The following DSN1 variants were observed in gnomAD, a reference collection of about 807,000 sequenced individuals.
The protein encoded by DSN1 is DSN1 component of MIS12 kinetochore complex.
Under a neutral mutation model 45.7 loss-of-function variants are expected in DSN1, and 31 were observed. The observed-to-expected ratio is 0.68, with a 90% confidence interval of 0.51 to 0.92. The LOEUF is 0.92. DSN1 is among the 40% of genes least tolerant of loss of function. DSN1 has a pLI of 0.00. For missense variants in DSN1, 394 were observed against 414.2 expected (o/e 0.95, Z 0.42); for synonymous variants, 134 against 142.3 (o/e 0.94, Z 0.41).
In DSN1 at chr20:36,770,881, C is replaced by A. The variant is rs1472669189; in HGVS notation, c.347G>T (p.Gly116Val). ...TGTACACAGCACCCCACCTGTGATG[C>A]CCTGGTGAATGGGATGCAGCGACTT... Reference protein sequence around the residue: ...RRKSLHPIHQGITELSRSISV... With the variant: ...RRKSLHPIHQVITELSRSISV... Residue 116 changes from glycine to valine, a missense_variant, in exon 3 of 11, where the codon GGC (glycine) becomes GTC (valine). Gly to Val is a moderately radical substitution (Grantham distance 109). Coordinates refer to ENST00000373750, the MANE Select transcript of DSN1 (RefSeq NM_001145315.2). 1 of 1,609,414 alleles carries A rather than the reference C, an allele frequency of 6.2e-7. No homozygotes were observed. Among genetic ancestry groups the A allele is most frequent in the Non-Finnish European group, 8.5e-7 (1 of 1,178,826 alleles).
At position 36,770,992 on chromosome 20, in the gene DSN1, T is replaced by C. The variant is rs752737025; in HGVS notation, c.236A>G (p.His79Arg). ...GGCAGATTGTTCTTGAGGAGACAAA[T>C]GAAGGGACTTCGACTGAAGTCTTTC... is the stretch of plus-strand genomic sequence containing the variant. ...HQERLQSKSL[H>R]LSPQEQSASY... The change falls in exon 3 of 11, where the codon CAT (histidine) becomes CGT (arginine). Residue 79 changes from histidine to arginine, a missense_variant. Transcript: ENST00000373750. 5.0e-6 allele frequency: 8 copies of C among 1,614,116 alleles called. No individual in the cohort carries two copies. The highest frequency in any genetic ancestry group is 6.8e-6 in the Non-Finnish European group (8 of 1,180,052).
At chr20:36,773,424 G>A (rs1468908587) in intron 1 of DSN1, 2 of 985,396 alleles carry the variant, frequency 2.0e-6, no homozygotes, top group Admixed American at 6.1e-5. Flanking sequence ...CCCCTGGCAC[G>A]GCAGATACGT....
chr20:36,766,095 G>A (rs1413770254), intron 5 of DSN1, among the ~76,000 whole-genome samples: 5 of 149,846 alleles, frequency 3.3e-5, no homozygotes, highest in African/African-American at 1.2e-4. Flanking sequence ...TCAGGAGGCT[G>A]AGGCAGGAGA....
Position 36,771,024 on chromosome 20 carries a change from G to C in DSN1, c.204C>G (p.Ser68Arg). 1 of 1,614,206 alleles carries C rather than the reference G, an allele frequency of 6.2e-7. No individual in the cohort carries two copies. The highest frequency in any genetic ancestry group is 1.3e-5 in the African/African-American group (1 of 75,048). The change falls in exon 3 of 11, where the codon AGC becomes AGG. Residue 68 changes from serine (S) to arginine (R), a missense_variant. Transcript: ENST00000373750. Reference protein sequence around the residue: ...SPKKGGNCDLSHQERLQSKSL... With the variant: ...SPKKGGNCDLRHQERLQSKSL... ...ACTTCGACTGAAGTCTTTCCTGGTG[G>C]CTGAGATCACAATTTCCCCCTTTTT...
chr20:36,772,987 G>A (rs1367031782), intron 1 of DSN1, among the ~76,000 whole-genome samples: 1 of 152,244 alleles, frequency 6.6e-6, no homozygotes, highest in Non-Finnish European at 1.5e-5. Flanking sequence ...AAATCTGTCT[G>A]TGGGGGGTGC....
At chr20:36,764,357 CTACTT>C (rs1332289890) in intron 5 of DSN1, among the ~76,000 whole-genome samples, 1 of 152,140 alleles carries the variant, frequency 6.6e-6, no homozygotes, top group Non-Finnish European at 1.5e-5. Flanking sequence ...CCTAGCATAT[CTACTT>C]TAATTAAGGT....
In DSN1 at chr20:36,767,955, TA is replaced by T; in HGVS notation, c.429+13del. 6.2e-7 allele frequency: 1 copy of T among 1,613,478 alleles called. No individual in the cohort carries two copies. Among genetic ancestry groups the T allele is most frequent in the Non-Finnish European group, 8.5e-7 (1 of 1,179,632 alleles). ...AACAAACACAAAAACATTTCCTAGTTATAAGAACCTTACCTGGAAACTGGAA... is the reference window on the plus strand; with the variant it reads ...AACAAACACAAAAACATTTCCTAGTTTAAGAACCTTACCTGGAAACTGGAA... On this transcript the variant is annotated intron_variant, in intron 4 of 10. Coordinates refer to ENST00000373750, the MANE Select transcript of DSN1 (RefSeq NM_001145315.2).
intron 5 of DSN1, among the ~76,000 whole-genome samples, chr20:36,763,274 A>G (rs376719349): frequency 3.9e-5 from 6 of 151,962 alleles, no homozygotes; most frequent in Non-Finnish European, 7.4e-5. Context: ...GCGTGGTGGT[A>G]CACGCCTGTA....
In DSN1 at chr20:36,752,320, C is replaced by A. The variant is rs1021764740; in HGVS notation, c.*468G>T. 1 of 152,592 alleles carries A rather than the reference C, an allele frequency of 6.6e-6. No individual in the cohort carries two copies. The highest frequency in any genetic ancestry group is 2.4e-5 in the African/African-American group (1 of 41,432). 9.5% of individuals were successfully genotyped at this position (152,592 alleles called of 1,614,324 possible). A position where few individuals can be genotyped will look rare whatever the true frequency, so the allele number is the denominator to read the frequency against. On this transcript the variant is annotated 3_prime_UTR_variant, in exon 11 of 11. Coordinates refer to ENST00000373750, the MANE Select transcript of DSN1 (RefSeq NM_001145315.2). ...CCACCCGCCTCAGTCACCCAAAATGCTAGGATTACAGGCGTGAGCCATTGC... is the reference window on the plus strand; with the variant it reads ...CCACCCGCCTCAGTCACCCAAAATGATAGGATTACAGGCGTGAGCCATTGC...
At chr20:36,756,575 A>G (rs1172758285) in intron 8 of DSN1, among the ~76,000 whole-genome samples, 1 of 152,228 alleles carries the variant, frequency 6.6e-6, no homozygotes, top group Non-Finnish European at 1.5e-5. Flanking sequence ...CAATTTACTG[A>G]GTGCTAAGTA....
chr20:36,755,082 T>A (rs975303583), intron 9 of DSN1, among the ~76,000 whole-genome samples: 4 of 152,156 alleles, frequency 2.6e-5, no homozygotes, highest in Non-Finnish European at 4.4e-5. Flanking sequence ...GATGCCTAAG[T>A]GGGAAGGAGC....
chr20:36,766,559 G>A (rs1987350789), intron 5 of DSN1, among the ~76,000 whole-genome samples: 1 of 152,074 alleles, frequency 6.6e-6, no homozygotes, highest in Non-Finnish European at 1.5e-5. Context: ...GGGGGCTCAG[G>A]CAGGAGAATT....
At chr20:36,769,991 T>C (rs1438579589) in intron 3 of DSN1, among the ~76,000 whole-genome samples, 1 of 12,880 alleles carries the variant, frequency 7.8e-5, no homozygotes, top group Non-Finnish European at 1.5e-4. Context: ...GTGGGTGGGG[T>C]GCAGGGAGGG....
At chr20:36,769,110 T>G (rs574737778) in intron 3 of DSN1, among the ~76,000 whole-genome samples, 2 of 152,188 alleles carry the variant, frequency 1.3e-5, no homozygotes, top group Non-Finnish European at 2.9e-5. Context: ...TAGACTGAAT[T>G]GGGTGAGCAT....
At chr20:36,754,139 A>C (rs1010062535) in intron 10 of DSN1, among the ~76,000 whole-genome samples, 3 of 152,092 alleles carry the variant, frequency 2.0e-5, no homozygotes, top group Non-Finnish European at 1.5e-5. Context: ...ACCAGCCTGG[A>C]CAAACAGGGG....
At chr20:36,765,247 TAAAAAAAA>T (rs33998027) in intron 5 of DSN1, among the ~76,000 whole-genome samples, 2 of 75,278 alleles carry the variant, frequency 2.7e-5, no homozygotes, top group South Asian at 5.9e-4. Context: ...AGGCTTGTGT[TAAAAAAAA>T]AAAAAAAAAA....
Position 36,758,138 on chromosome 20 carries a change from CAA to C in DSN1, c.672_673del (p.Trp225GlyfsTer12). 6.2e-7 allele frequency: 1 copy of C among 1,613,998 alleles called. No homozygotes were observed. Among genetic ancestry groups the C allele is most frequent in the South Asian group, 1.1e-5 (1 of 91,048 alleles). ...CTGGTAGTGAAGCAAGAGCTGATCC[CAA>C]GTCTGACGTTCTAAAGAAAACCTGT... On this transcript the variant is annotated frameshift_variant, in exon 8 of 11. Transcript: ENST00000373750. LOFTEE classifies it high-confidence loss of function.
Position 36,752,035 on chromosome 20 carries a change from C to G in DSN1, c.*753G>C, listed in dbSNP as rs913369554. 6.6e-6 allele frequency: 1 copy of G among 150,984 alleles called. No individual in the cohort carries two copies. The highest frequency in any genetic ancestry group is 2.4e-5 in the African/African-American group (1 of 41,084). The allele number at this position is 150,984 out of a possible 1,614,324, so 9.4% of individuals were successfully genotyped here. A position where few individuals can be genotyped will look rare whatever the true frequency, so the allele number is the denominator to read the frequency against. ...CCAATGATGCAAATAATGCTCAAAA[C>G]TTTTTTTTTCATTTTTTTACAATTT... On this transcript the variant is annotated 3_prime_UTR_variant, in exon 11 of 11. Coordinates refer to ENST00000373750, the MANE Select transcript of DSN1 (RefSeq NM_001145315.2).
Position 36,773,642 on chromosome 20 carries a change from C to A in DSN1, c.-16+20G>T. On this transcript the variant is annotated intron_variant, in intron 1 of 10. Transcript: ENST00000373750. ...AAGTCTGTGACTTCCTGACGCCCGTCCAGTCCGGAACCTCCGTACCTGAAA... is the reference window on the plus strand; with the variant it reads ...AAGTCTGTGACTTCCTGACGCCCGTACAGTCCGGAACCTCCGTACCTGAAA... The A allele has an allele frequency of 1.0e-6, 1 of 985,636 alleles. No individual in the cohort carries two copies. The highest frequency in any genetic ancestry group is 1.2e-6 in the Non-Finnish European group (1 of 830,062). The allele number at this position is 985,636 out of a possible 1,614,324, so 61.1% of individuals were successfully genotyped here. A position where few individuals can be genotyped will look rare whatever the true frequency, so the allele number is the denominator to read the frequency against.
Sources: gnomAD v4.1 joint callset for allele counts (sites outside exome capture counted in the v4.1 genomes callset) on GRCh38, gnomAD v4.1.1 for gene constraint, MANE v1.5 for transcripts, NCBI Gene and HGNC (gene_info 2026-07-23, HGNC 2026-07-21) for gene names.